The following RPL6 variants were observed in gnomAD, a reference collection of about 807,000 sequenced individuals.
RPL6 encodes the protein ribosomal protein L6.
A neutral mutation model predicts 32.1 loss-of-function variants in RPL6; 1 was observed. The ratio of observed to expected loss-of-function variants is 0.03; its 90% CI spans 0.01 to 0.15. RPL6 has a LOEUF of 0.15. Among genes scored for constraint, RPL6 ranks in the 10% least tolerant of loss-of-function variants. The pLI, the probability that RPL6 is intolerant of heterozygous loss-of-function variation, is 1.00. For synonymous variants in RPL6, 126 were observed against 131.6 expected (o/e 0.96, Z 0.29); for missense variants, 275 against 354.6 (o/e 0.78, Z 1.80).
In RPL6 at chr12:112,405,189, ATG is replaced by A. The variant is rs889396739; in HGVS notation, c.*33_*34del. The A allele has an allele frequency of 1.9e-6, 3 of 1,548,990 alleles. No individual in the cohort carries two copies. In the African/African-American group the frequency reaches 4.2e-5, roughly 22 times the overall value. ...CAAAAATTAAAAAAAGAGACACAAA[ATG>A]TAGTCAGCTATTTAATTAGGTTCTT... is the stretch of plus-strand genomic sequence containing the variant. On this transcript the variant is annotated 3_prime_UTR_variant, in exon 7 of 7. Transcript: ENST00000202773.
intron 1 of RPL6, chr12:112,408,975 G>C (rs1707479440): frequency 3.7e-5 from 12 of 325,304 alleles, no homozygotes; most frequent in East Asian, 3.3e-4. Flanking sequence ...TTGCGAATTA[G>C]AAAACTTAGA....
chr12:112,417,720 C>T (rs548928695), intron 1 of RPL6, among the ~76,000 whole-genome samples: 2 of 151,526 alleles, frequency 1.3e-5, no homozygotes, highest in South Asian at 2.1e-4. Flanking sequence ...TGCAGTGGCG[C>T]GATCTCGGCT....
intron 1 of RPL6, 120 bp from the exon 2 acceptor site, chr12:112,408,776 A>T (rs2037264186): frequency 2.5e-6 from 2 of 811,120 alleles, no homozygotes; most frequent in East Asian, 2.5e-5. Context: ...TCCCCCGGTA[A>T]GATACAGGCC....
At chr12:112,413,192 G>T (rs565550406), upstream of RPL6, among the ~76,000 whole-genome samples, 1 of 152,272 alleles carries the variant, frequency 6.6e-6, no homozygotes, top group African/African-American at 2.4e-5. Flanking sequence ...TTCAAATAAA[G>T]TAATGGCTAT....
At chr12:112,417,996 T>G (rs1289852982) in intron 1 of RPL6, among the ~76,000 whole-genome samples, 1 of 151,256 alleles carries the variant, frequency 6.6e-6, no homozygotes, top group East Asian at 1.9e-4. Context: ...TTATTATTAT[T>G]TTGAGACGGA....
intron 1 of RPL6, among the ~76,000 whole-genome samples, chr12:112,417,379 T>G (rs1037741041): frequency 7.3e-5 from 11 of 149,692 alleles, no homozygotes; most frequent in Non-Finnish European, 1.3e-4. Flanking sequence ...CTTCAATGAG[T>G]CATATGCGCA....
chr12:112,411,927 TG>T (rs1036636460), upstream of RPL6, among the ~76,000 whole-genome samples: 3 of 151,978 alleles, frequency 2.0e-5, no homozygotes, highest in Admixed American at 1.3e-4. Flanking sequence ...TCGCCCAGGC[TG>T]GAGTGCAGTG....
chr12:112,410,523 A>T (rs2037323983), upstream of RPL6: 1 of 129,860 alleles, frequency 7.7e-6, no homozygotes, highest in African/African-American at 2.8e-5. Context: ...TGATTATTTG[A>T]TGGATGGTAA....
Position 112,406,791 on chromosome 12 carries a change from G to A in RPL6, c.436C>T (p.Pro146Ser), listed in dbSNP as rs766636162. 3.5e-5 allele frequency: 56 copies of A among 1,614,144 alleles called. 1 individual carries two copies. The South Asian group carries it at 6.0e-4, about 17-fold the overall frequency. Residue 146 changes from proline (P) to serine (S), a missense_variant, in exon 4 of 7, where the codon CCC (proline) becomes TCC (serine). Pro to Ser is a moderately conservative substitution (Grantham distance 74). Transcript: ENST00000202773. ...HVRKLRASIT[P>S]GTILIILTGR... ...GTGAGGATGATCAGAATGGTCCCGG[G>A]GGTAATGCTGGCTCGCAGTTTTCTC...
At chr12:112,408,682 A>T (rs770783553) in intron 1 of RPL6, 26 bp from the exon 2 acceptor site, 2 of 1,544,714 alleles carry the variant, frequency 1.3e-6, no homozygotes, top group Non-Finnish European at 8.7e-7. Context: ...TGTAGATAAA[A>T]AAAGGCATTT....
intron 6 of RPL6, 62 bp from the exon 7 acceptor site, chr12:112,405,438 C>T (rs2037132999): frequency 3.3e-6 from 5 of 1,501,656 alleles, no homozygotes; most frequent in Non-Finnish European, 4.6e-6. Flanking sequence ...TGTAGGTCAA[C>T]TAAGGAGTCC....
chr12:112,410,027 G>A (rs61941343), upstream of RPL6, among the ~76,000 whole-genome samples: 2 of 150,788 alleles, frequency 1.3e-5, no homozygotes, highest in South Asian at 2.1e-4. Context: ...AAAAAAAAGG[G>A]CCGGACACGG....
At chr12:112,418,556 C>T (rs551506716) in intron 1 of RPL6, 58 of 232,176 alleles carry the variant, frequency 2.5e-4, no homozygotes, top group African/African-American at 1.3e-3. Context: ...CTATCTTTAT[C>T]TTACAGAAAG....
In RPL6 at chr12:112,409,149, G is replaced by A. The variant is rs922377045; in HGVS notation, c.-1+438C>T. ...CAGCCCAAATTGAGCCAGAGAAAAA[G>A]ATCGCAAAGACCAAGAGGCGACTTC... On this transcript the variant is annotated intron_variant, in intron 1 of 6. Coordinates refer to ENST00000202773, the MANE Select transcript of RPL6 (RefSeq NM_000970.6). The A allele has an allele frequency of 1.1e-5, 3 of 283,152 alleles. No individual in the cohort carries two copies. In the East Asian group the frequency reaches 1.9e-4, roughly 18 times the overall value. The allele number at this position is 283,152 out of a possible 1,614,324, so 17.5% of individuals were successfully genotyped here. A position where few individuals can be genotyped will look rare whatever the true frequency, so the allele number is the denominator to read the frequency against.
intron 3 of RPL6, chr12:112,407,622 T>C (rs752450566): frequency 6.5e-6 from 1 of 153,096 alleles, no homozygotes; most frequent in African/African-American, 2.4e-5. Context: ...TGAGATTACA[T>C]TGGGTCTTGT....
At chr12:112,408,968 C>A (rs2037270735) in intron 1 of RPL6, 2 of 330,684 alleles carry the variant, frequency 6.0e-6, no homozygotes, top group Non-Finnish European at 1.1e-5. Flanking sequence ...TACTGTTTTG[C>A]GAATTAGAAA....
At chr12:112,417,286 G>C (rs557926119) in intron 1 of RPL6, among the ~76,000 whole-genome samples, 1 of 151,162 alleles carries the variant, frequency 6.6e-6, no homozygotes, top group South Asian at 2.1e-4. Flanking sequence ...TTGAACTCCT[G>C]ACCTCAAGTG....
chr12:112,405,957 T>C lies in RPL6; in HGVS notation c.610A>G (p.Ser204Gly). The change falls in exon 6 of 7, where the codon AGC becomes GGC. Residue 204 changes from serine (S) to glycine (G), a missense_variant. Ser to Gly is a moderately conservative substitution (Grantham distance 56). Transcript: ENST00000202773. The part of the protein sequence containing the change: ...VIATSTKIDI[S>G]NVKIPKHLTD... ...AGATGTTTTGGGATTTTTACATTGC[T>C]GATATCGATTTTGGTTGAAGTGGCA... 6.2e-7 allele frequency: 1 copy of C among 1,614,152 alleles called. No homozygotes were observed. Among genetic ancestry groups the C allele is most frequent in the Non-Finnish European group, 8.5e-7 (1 of 1,180,004 alleles).
At chr12:112,407,024 A>G in intron 3 of RPL6, 134 bp from the exon 4 acceptor site, 1 of 881,428 alleles carries the variant, frequency 1.1e-6, no homozygotes, top group East Asian at 2.8e-5. Flanking sequence ...TTCCATTTTC[A>G]TTTCTGCTAA....
Sources: allele counts gnomAD v4.1 joint callset (sites outside exome capture counted in the v4.1 genomes callset), GRCh38; gene constraint gnomAD v4.1.1; transcripts MANE v1.5; gene names NCBI Gene and HGNC (gene_info 2026-07-23, HGNC 2026-07-21).